CADPS: variants seen among roughly 807,000 people sequenced by gnomAD.
CADPS encodes the protein calcium dependent secretion activator.
Under a neutral mutation model 167.3 loss-of-function variants are expected in CADPS, and 57 were observed. That is an observed-to-expected ratio of 0.34 (90% confidence interval 0.28 to 0.42). The LOEUF is 0.42. CADPS is among the 20% of genes least tolerant of loss of function. CADPS has a pLI of 1.00. For missense variants in CADPS, 1,414 were observed against 1,738.1 expected (o/e 0.81, Z 3.32); for synonymous variants, 676 against 635.3 (o/e 1.06, Z -0.96).
chr3:62,625,638 A>G (rs1203032201), intron 6 of CADPS: 2 of 149,858 alleles, frequency 1.3e-5, no homozygotes, highest in East Asian at 3.9e-4. Flanking sequence ...CTCCTTTTAT[A>G]CCTCCTTTTT....
At chr3:62,497,193 C>A (rs1163561693) in intron 18 of CADPS, among the ~76,000 whole-genome samples, 1 of 152,122 alleles carries the variant, frequency 6.6e-6, no homozygotes. Context: ...TTCTTTTGAG[C>A]AATTTAGAAA....
In CADPS at chr3:62,748,344, C is replaced by CA. The variant is rs60942307; in HGVS notation, c.888+5096dup. Among the ~76,000 whole-genome samples the CA allele has an allele frequency of 1.7e-3, 82 of 48,496 alleles. 6 individuals are homozygous for CA. Among genetic ancestry groups the CA allele is most frequent in the Admixed American group, 4.3e-3 (12 of 2,782 alleles). The allele number at this position is 48,496 out of a possible 152,430, so 31.8% of individuals were successfully genotyped here. A position where few individuals can be genotyped will look rare whatever the true frequency, so the allele number is the denominator to read the frequency against. ...CTGGGCGAGAAGCGAGACTCCGTCT[C>CA]AAAAAAAAAAAAAAAAAAAAAAAAA... On this transcript the variant is annotated intron_variant, in intron 3 of 29. Coordinates refer to ENST00000383710, the MANE Select transcript of CADPS (RefSeq NM_003716.4).
At position 62,662,188 on chromosome 3, in the gene CADPS, T is replaced by G. The variant is rs1057277368; in HGVS notation, c.969+126A>C. 5.8e-5 allele frequency: 47 copies of G among 806,196 alleles called. No homozygotes were observed. In the Middle Eastern group the frequency reaches 1.4e-3, roughly 25 times the overall value. 49.9% of individuals were successfully genotyped at this position (806,196 alleles called of 1,614,324 possible). A position where few individuals can be genotyped will look rare whatever the true frequency, so the allele number is the denominator to read the frequency against. On this transcript the variant is annotated intron_variant, in intron 4 of 29. Transcript: ENST00000383710. ...AGGAGGGCTGAGGGCCCAATGAGGG[T>G]GATTGTCCTCATCTTCCCTCCTCTC...
intron 24 of CADPS, among the ~76,000 whole-genome samples, chr3:62,468,766 C>G (rs1255384405): frequency 6.6e-6 from 1 of 152,102 alleles, no homozygotes; most frequent in Non-Finnish European, 1.5e-5. Flanking sequence ...TTATAATGAA[C>G]GTTGCTTTTT....
intron 12 of CADPS, 133 bp from the exon 13 acceptor site, chr3:62,533,191 G>A: frequency 1.4e-6 from 1 of 693,452 alleles, no homozygotes; most frequent in Non-Finnish European, 2.4e-6. Flanking sequence ...CCTATTATGT[G>A]CCAGCCACTG....
chr3:62,407,409 A>G (rs868843003), intron 28 of CADPS, among the ~76,000 whole-genome samples: 7 of 152,202 alleles, frequency 4.6e-5, no homozygotes, highest in Non-Finnish European at 7.3e-5. Flanking sequence ...CACATTTTAA[A>G]CTATATTGAC....
Position 62,874,131 on chromosome 3 carries a change from C to A in CADPS, c.441+458G>T, listed in dbSNP as rs1025813703. Among the ~76,000 whole-genome samples the A allele has an allele frequency of 3.3e-5, 5 of 152,220 alleles. No homozygotes were observed. The highest frequency in any genetic ancestry group is 5.9e-5 in the Non-Finnish European group (4 of 68,018). ...CTCTTCTCCCTCCACCTCGGCGCCC[C>A]CACCTGCCGTTGCCCCCGCCCGCCG... On this transcript the variant is annotated intron_variant, in intron 1 of 29. Transcript: ENST00000383710. The surrounding 1 kb of genome is among the most constrained non-coding windows in gnomAD (Gnocchi z 7.1).
intron 14 of CADPS, 101 bp downstream of exon 14, chr3:62,518,048 T>C (rs917567430): frequency 3.9e-6 from 3 of 777,394 alleles, no homozygotes; most frequent in Non-Finnish European, 6.7e-6. Flanking sequence ...AAATATCCAA[T>C]GTATCCTCTG....
intron 6 of CADPS, among the ~76,000 whole-genome samples, chr3:62,598,351 C>G (rs1397708213): frequency 6.6e-6 from 1 of 152,156 alleles, no homozygotes; most frequent in African/African-American, 2.4e-5. Context: ...TCATTGGATT[C>G]TGTGGGAATT....
Position 62,491,495 on chromosome 3 carries a change from CA to C in CADPS, c.2885-16del, listed in dbSNP as rs753145140. ...GCACAAATTATCTAGAACAGATAAGCAAAAGCTTGTTAAGAACCCACAGCTA... is the reference window on the plus strand; with the variant it reads ...GCACAAATTATCTAGAACAGATAAGCAAAGCTTGTTAAGAACCCACAGCTA... On this transcript the variant is annotated splice_polypyrimidine_tract_variant and intron_variant, in intron 20 of 29. Coordinates refer to ENST00000383710, the MANE Select transcript of CADPS (RefSeq NM_003716.4). 2.5e-6 allele frequency: 4 copies of C among 1,606,898 alleles called. No individual in the cohort carries two copies. The African/African-American group carries it at 4.0e-5, about 16-fold the overall frequency.
At chr3:62,575,254 T>C (rs2082048319) in intron 8 of CADPS, among the ~76,000 whole-genome samples, 1 of 152,218 alleles carries the variant, frequency 6.6e-6, no homozygotes, top group Admixed American at 6.5e-5. Flanking sequence ...TTCTTCATAA[T>C]AAAAACAATA....
rs1181594078 is a variant in CADPS, at chr3:62,429,068, TCAG to T, written c.3777+9033_3777+9035del. Among the ~76,000 whole-genome samples, 712 of 152,362 alleles carry T rather than the reference TCAG, an allele frequency of 4.7e-3. 6 individuals are homozygous for T. Among genetic ancestry groups the T allele is most frequent in the African/African-American group, 0.016 (645 of 41,590 alleles). On this transcript the variant is annotated intron_variant, in intron 28 of 29. Transcript: ENST00000383710. ...CTGTTACCACTGAAATTTTTGAAATTCAGTGGTAATATCAGGAACTATCAGACT... is the reference window on the plus strand; with the variant it reads ...CTGTTACCACTGAAATTTTTGAAATTTGGTAATATCAGGAACTATCAGACT...
chr3:62,625,076 G>A (rs2063809542), intron 6 of CADPS, among the ~76,000 whole-genome samples: 1 of 150,466 alleles, frequency 6.6e-6, no homozygotes, highest in Admixed American at 6.6e-5. Context: ...GGAGGTGTGG[G>A]TAAGGCACTT....
At chr3:62,535,040 G>C (rs2152016740) in intron 12 of CADPS, among the ~76,000 whole-genome samples, 1 of 151,908 alleles carries the variant, frequency 6.6e-6, no homozygotes, top group East Asian at 1.9e-4. Context: ...AAAAGTCTTG[G>C]AAATAATATA....
intron 6 of CADPS, among the ~76,000 whole-genome samples, chr3:62,604,856 G>A (rs79837268): frequency 0.015 from 2,348 of 152,250 alleles, 70 homozygotes; most frequent in African/African-American, 0.053. Context: ...ACTGCTCACC[G>A]CATGGCAGAC....
chr3:62,873,338 A>G (rs913391345), intron 1 of CADPS, among the ~76,000 whole-genome samples: 1 of 152,240 alleles, frequency 6.6e-6, no homozygotes, highest in East Asian at 1.9e-4. Context: ...AAATGGCAGC[A>G]ACTGAAAGAT....
chr3:62,849,091 G>A (rs2078043117), intron 1 of CADPS, among the ~76,000 whole-genome samples: 1 of 151,376 alleles, frequency 6.6e-6, no homozygotes, highest in Non-Finnish European at 1.5e-5. Context: ...TGTTGTTGGT[G>A]TATAAGAATG....
At chr3:62,677,256 C>T (rs1249862734) in intron 3 of CADPS, among the ~76,000 whole-genome samples, 2 of 152,040 alleles carry the variant, frequency 1.3e-5, no homozygotes, top group Non-Finnish European at 2.9e-5. Context: ...AGTCTCTTCA[C>T]CTTCCTCCTC....
chr3:62,460,996 C>G (rs2059271060), intron 26 of CADPS, among the ~76,000 whole-genome samples: 1 of 152,152 alleles, frequency 6.6e-6, no homozygotes. Context: ...TCAGACAGAA[C>G]TTGATAAGGT....
Sources: gnomAD v4.1 joint callset for allele counts (sites outside exome capture counted in the v4.1 genomes callset) on GRCh38, gnomAD v4.1.1 for gene constraint, Gnocchi (gnomAD v3.1) non-coding constraint, MANE v1.5 for transcripts, NCBI Gene and HGNC (gene_info 2026-07-23, HGNC 2026-07-21) for gene names.